NECAB2: variants seen among roughly 807,000 people sequenced by gnomAD.
The protein encoded by NECAB2 is N-terminal EF-hand calcium-binding protein 2.
A neutral mutation model predicts 51.9 loss-of-function variants in NECAB2; 68 were observed. The ratio of observed to expected loss-of-function variants is 1.31; its 90% CI spans 1.08 to 1.60. The LOEUF (loss-of-function observed/expected upper bound fraction) is 1.60. NECAB2 is among the 40% of genes most tolerant of loss of function. The pLI, the probability that NECAB2 is intolerant of heterozygous loss-of-function variation, is 0.00. For missense variants in NECAB2, 854 were observed against 490.3 expected, an observed-to-expected ratio of 1.74 and a Z score of -7.00; for synonymous variants, 329 against 203.5, an observed-to-expected ratio of 1.62 and a Z score of -5.25.
intron 12 of NECAB2, 134 bp from the exon 13 acceptor site, chr16:84,002,184 G>T: frequency 8.2e-7 from 1 of 1,214,268 alleles, no homozygotes; most frequent in Non-Finnish European, 1.2e-6. Flanking sequence ...TTGCACCTGG[G>T]TGACCAGCAA....
In NECAB2 at chr16:83,990,680, G is replaced by T. The variant is rs190620829; in HGVS notation, c.596+50G>T. Reference sequence around the variant, plus strand: ...TCCCATGGGGGTATGCCGTGCACGCGCACGTGCCCACCTGCTGCTTGGTGG... The same window carrying T: ...TCCCATGGGGGTATGCCGTGCACGCTCACGTGCCCACCTGCTGCTTGGTGG... On this transcript the variant is annotated intron_variant, in intron 6 of 12. Coordinates refer to ENST00000305202, the MANE Select transcript of NECAB2 (RefSeq NM_019065.3). 61 of 1,597,370 alleles carry T rather than the reference G, an allele frequency of 3.8e-5. No homozygotes were observed. In the Middle Eastern group the frequency reaches 4.2e-3, roughly 109 times the overall value.
chr16:83,999,447 G>A (rs140577554), intron 10 of NECAB2, among the ~76,000 whole-genome samples: 26 of 152,254 alleles, frequency 1.7e-4, no homozygotes, highest in African/African-American at 5.1e-4. Flanking sequence ...AGTTGGAGAC[G>A]GCAAGCCTGG....
At chr16:83,999,001 C>T (rs776964986) in intron 10 of NECAB2, among the ~76,000 whole-genome samples, 2 of 152,184 alleles carry the variant, frequency 1.3e-5, no homozygotes, top group African/African-American at 2.4e-5. Context: ...CAGCAAGGCT[C>T]TGCCCAACTC....
intron 5 of NECAB2, among the ~76,000 whole-genome samples, chr16:83,990,240 C>A (rs1003103081): frequency 6.6e-6 from 1 of 152,136 alleles, no homozygotes; most frequent in Non-Finnish European, 1.5e-5. Context: ...CTTCAGTGAC[C>A]CCATTATACT....
At chr16:83,976,710 C>T (rs990159508) in intron 2 of NECAB2, among the ~76,000 whole-genome samples, 2 of 152,194 alleles carry the variant, frequency 1.3e-5, no homozygotes, top group African/African-American at 4.8e-5. Flanking sequence ...ATGGGGGCAT[C>T]TTGGGATATT....
At position 84,002,441 on chromosome 16, in the gene NECAB2, T is replaced by C; in HGVS notation, c.*95T>C. 4.8e-6 allele frequency: 7 copies of C among 1,462,018 alleles called. No individual in the cohort carries two copies. Among genetic ancestry groups the C allele is most frequent in the Non-Finnish European group, 6.7e-6 (7 of 1,047,720 alleles). 90.6% of individuals were successfully genotyped at this position (1,462,018 alleles called of 1,614,324 possible). A position where few individuals can be genotyped will look rare whatever the true frequency, so the allele number is the denominator to read the frequency against. On this transcript the variant is annotated 3_prime_UTR_variant, in exon 13 of 13. Transcript: ENST00000305202. ...TAGACAGACACTTTGGTGCAGAAGC[T>C]TCTTTTCAATCCATCCTCCACAAGA...
In NECAB2 at chr16:83,981,222, G is replaced by A. The variant is rs768960019; in HGVS notation, c.459+95G>A. The A allele has an allele frequency of 2.4e-4, 259 of 1,092,860 alleles. 2 individuals are homozygous for A. The highest frequency in any genetic ancestry group is 2.3e-3 in the South Asian group (168 of 73,566). 67.7% of individuals were successfully genotyped at this position (1,092,860 alleles called of 1,614,324 possible). A position where few individuals can be genotyped will look rare whatever the true frequency, so the allele number is the denominator to read the frequency against. ...ATGCCTGGATTTTTGAAGACAGGCC[G>A]CCAGGGAGGCCTATCTCAGGGGTGG... On this transcript the variant is annotated intron_variant, in intron 5 of 12. Coordinates refer to ENST00000305202, the MANE Select transcript of NECAB2 (RefSeq NM_019065.3).
At chr16:83,981,218 G>T in intron 5 of NECAB2, 91 bp downstream of exon 5, 1 of 1,200,982 alleles carries the variant, frequency 8.3e-7, no homozygotes, top group South Asian at 1.3e-5. Flanking sequence ...TTTGAAGACA[G>T]GCCGCCAGGG....
At chr16:83,984,099 C>T (rs558384834) in intron 5 of NECAB2, among the ~76,000 whole-genome samples, 2 of 151,182 alleles carry the variant, frequency 1.3e-5, no homozygotes, top group African/African-American at 2.4e-5. Context: ...GGGTTCACGC[C>T]ATTCTCCTGC....
rs72793608 is a variant in NECAB2 at position 83,981,020 on chromosome 16, C to T, written c.362-10C>T. ...CCTGTGACCCCTGACCTTTGCCTTT[C>T]CTTCCCCAGATTACTTTGTGGACCA... On this transcript the variant is annotated splice_polypyrimidine_tract_variant and intron_variant, in intron 4 of 12. Coordinates refer to ENST00000305202, the MANE Select transcript of NECAB2 (RefSeq NM_019065.3). 35,309 of 1,613,760 alleles carry T rather than the reference C, an allele frequency of 0.022. 448 individuals carry two copies. Among genetic ancestry groups the T allele is most frequent in the Non-Finnish European group, 0.026 (30,975 of 1,179,678 alleles).
chr16:83,989,757 C>T (rs1018589289), intron 5 of NECAB2, among the ~76,000 whole-genome samples: 3 of 152,198 alleles, frequency 2.0e-5, no homozygotes, highest in African/African-American at 7.2e-5. Context: ...AATGTCCTTG[C>T]AGAATCTCAG....
chr16:83,966,877 T>C (rs79087756), upstream of NECAB2, among the ~76,000 whole-genome samples: 2,741 of 151,682 alleles, frequency 0.018, 45 homozygotes, highest in African/African-American at 0.034. Flanking sequence ...AGCAGTGCAG[T>C]TTTTTTTTCT....
rs560237826 is a variant in NECAB2 at position 83,987,943 on chromosome 16, C to A, written c.460-2551C>A. ...TCAGTACATGAAGATTTAATAATGG[C>A]ACGTCTTTGTTATAACTTTATGCCT... On this transcript the variant is annotated intron_variant, in intron 5 of 12. Coordinates refer to ENST00000305202, the MANE Select transcript of NECAB2 (RefSeq NM_019065.3). 2.0e-5 allele frequency among the ~76,000 whole-genome samples: 3 copies of A among 152,328 alleles called. No individual in the cohort carries two copies. In the South Asian group the frequency reaches 6.2e-4, roughly 32 times the overall value.
At chr16:83,992,720 A>G (rs1181316703) in intron 6 of NECAB2, among the ~76,000 whole-genome samples, 3 of 152,162 alleles carry the variant, frequency 2.0e-5, no homozygotes, top group Non-Finnish European at 4.4e-5. Context: ...TCACCTGGGA[A>G]AATTAAAATA....
intron 5 of NECAB2, among the ~76,000 whole-genome samples, chr16:83,984,341 C>T (rs2084525709): frequency 6.6e-6 from 1 of 151,404 alleles, no homozygotes; most frequent in African/African-American, 2.4e-5. Flanking sequence ...TTTTTACAAT[C>T]AGTCATGCAT....
chr16:83,969,572 C>T (rs959504086), intron 1 of NECAB2, among the ~76,000 whole-genome samples: 3 of 152,078 alleles, frequency 2.0e-5, no homozygotes. Context: ...TCACCCCTCA[C>T]CCCTCCTAAC....
At chr16:83,970,564 T>TG (rs1282401152) in intron 1 of NECAB2, among the ~76,000 whole-genome samples, 3 of 152,070 alleles carry the variant, frequency 2.0e-5, no homozygotes, top group East Asian at 3.9e-4. Flanking sequence ...CCTGGAGGGA[T>TG]GGGGGGCGAG....
intron 1 of NECAB2, among the ~76,000 whole-genome samples, chr16:83,969,082 C>T (rs962770731): frequency 2.0e-5 from 3 of 151,648 alleles, no homozygotes; most frequent in Non-Finnish European, 4.4e-5. Flanking sequence ...GCCCCTCCAC[C>T]GGCGCTTCTC....
At chr16:83,993,092 C>A (rs559611540) in intron 6 of NECAB2, among the ~76,000 whole-genome samples, 4 of 152,180 alleles carry the variant, frequency 2.6e-5, no homozygotes, top group Admixed American at 6.5e-5. Flanking sequence ...CCACACATGC[C>A]CCTCCCTCGA....
Sources: allele counts gnomAD v4.1 joint callset (sites outside exome capture counted in the v4.1 genomes callset), GRCh38; gene constraint gnomAD v4.1.1; transcripts MANE v1.5; gene names NCBI Gene and HGNC (gene_info 2026-07-23, HGNC 2026-07-21).